HAPLN2: variants seen among roughly 807,000 people sequenced by gnomAD.
HAPLN2 encodes brain link protein-1.
HAPLN2 carries 27 observed loss-of-function variants against 29.3 expected under a neutral mutation model. The observed-to-expected ratio is 0.92, with a 90% CI of 0.68 to 1.27. The LOEUF (loss-of-function observed/expected upper bound fraction) is 1.27. HAPLN2 is among the 50% of genes most tolerant of loss of function. The probability of loss-of-function intolerance (pLI) is 0.00; values close to 1 mark genes in which losing one functional copy is unlikely to be tolerated. For synonymous variants in HAPLN2, 208 were observed against 211.7 expected, an observed-to-expected ratio of 0.98 and a Z score of 0.15; for missense variants, 454 against 484.3, an observed-to-expected ratio of 0.94 and a Z score of 0.59.
chr1:156,608,452 G>A, the HAPLN2 span, among the ~76,000 whole-genome samples: 7 of 152,118 alleles, frequency 4.6e-5, no homozygotes, highest in African/African-American at 9.7e-5. Flanking sequence ...GTAAATGCTG[G>A]TCATGGTGTA....
At chr1:156,612,340 T>C in the HAPLN2 span, among the ~76,000 whole-genome samples, 421 of 152,260 alleles carry the variant, frequency 2.8e-3, 5 homozygotes, top group African/African-American at 9.7e-3. Flanking sequence ...ATTTTCTGAA[T>C]GTCTGGTATA....
At chr1:156,621,599 T>C (rs1678227240) in intron 2 of HAPLN2, among the ~76,000 whole-genome samples, 1 of 150,546 alleles carries the variant, frequency 6.6e-6, no homozygotes, top group Non-Finnish European at 1.5e-5. Flanking sequence ...TAGCCCGGAG[T>C]GGTGGTGGGT....
upstream of HAPLN2, among the ~76,000 whole-genome samples, chr1:156,616,171 G>A (rs1247153022): frequency 2.0e-5 from 3 of 152,110 alleles, no homozygotes; most frequent in African/African-American, 7.2e-5. Context: ...TCGGGACTCC[G>A]TGCTTGTCTG....
At position 156,624,724 on chromosome 1, in the gene HAPLN2, G is replaced by A; in HGVS notation, c.680G>A (p.Gly227Glu). The A allele has an allele frequency of 1.3e-6, 2 of 1,571,608 alleles. No homozygotes were observed. The highest frequency in any genetic ancestry group is 1.7e-6 in the Non-Finnish European group (2 of 1,165,408). ...GGCCGGCCCGGGATCCGCAGCTACG[G>A]ACCCCGCGACCGGATGCGCGACCGC... Reference protein sequence around the residue: ...GRGRPGIRSYGPRDRMRDRYD... With the variant: ...GRGRPGIRSYEPRDRMRDRYD... The change falls in exon 6 of 7, where the codon GGA (glycine) becomes GAA (glutamate). Residue 227 changes from glycine to glutamate, a missense_variant. Transcript: ENST00000255039.
chr1:156,624,729 C>T lies in HAPLN2; in HGVS notation c.685C>T (p.Arg229Cys), dbSNP rs771207362. ...GCCCGGGATCCGCAGCTACGGACCC[C>T]GCGACCGGATGCGCGACCGCTACGA... ...GRPGIRSYGP[R>C]DRMRDRYDAF... The change falls in exon 6 of 7, where the codon CGC becomes TGC. Residue 229 changes from arginine (R) to cysteine (C), a missense_variant. Coordinates refer to ENST00000255039, the MANE Select transcript of HAPLN2 (RefSeq NM_021817.3). The T allele has an allele frequency of 1.9e-6, 3 of 1,567,204 alleles. No homozygotes were observed. In the Admixed American group the frequency reaches 5.6e-5, roughly 29 times the overall value.
chr1:156,624,287 G>A, intron 4 of HAPLN2, 64 bp from the exon 5 acceptor site: 1 of 1,515,530 alleles, frequency 6.6e-7, no homozygotes, highest in Non-Finnish European at 8.9e-7. Flanking sequence ...CCCAGGCCGC[G>A]CCGCCCTTCC....
the HAPLN2 span, among the ~76,000 whole-genome samples, chr1:156,607,326 A>G: frequency 1.3e-5 from 2 of 152,146 alleles, no homozygotes; most frequent in East Asian, 3.8e-4. Flanking sequence ...CTAAAAATAC[A>G]AAAATTAGCC....
chr1:156,624,879 G>C, intron 6 of HAPLN2, 96 bp downstream of exon 6: 1 of 1,374,444 alleles, frequency 7.3e-7, no homozygotes, highest in Non-Finnish European at 9.6e-7. Flanking sequence ...CAGGGTCTCC[G>C]GGTCCCTCCA....
chr1:156,601,684 T>G, the HAPLN2 span, among the ~76,000 whole-genome samples: 6 of 152,088 alleles, frequency 3.9e-5, no homozygotes, highest in Non-Finnish European at 7.4e-5. Context: ...CCAAGGGACT[T>G]CAGTACTAAC....
chr1:156,613,637 C>T, the HAPLN2 span, among the ~76,000 whole-genome samples: 5 of 151,932 alleles, frequency 3.3e-5, no homozygotes, highest in East Asian at 9.7e-4. Flanking sequence ...TGCTCTAGAC[C>T]AGGTGTGGTG....
At chr1:156,604,756 T>C in the HAPLN2 span, among the ~76,000 whole-genome samples, 1 of 152,322 alleles carries the variant, frequency 6.6e-6, no homozygotes, top group South Asian at 2.1e-4. Context: ...GTGCAAGCTT[T>C]ATACATTGAA....
At chr1:156,603,418 A>AC in the HAPLN2 span, among the ~76,000 whole-genome samples, 3 of 130,392 alleles carry the variant, frequency 2.3e-5, no homozygotes, top group East Asian at 2.3e-4. Flanking sequence ...ATTTCCACCC[A>AC]CCCCCACCTC....
At position 156,624,495 on chromosome 1, in the gene HAPLN2, A is replaced by G. The variant is rs772045773; in HGVS notation, c.556+28A>G. ...GAGCGGCCGAACCCAGCACTTCCCA[A>G]GCCCCGCGGAGCTGTCTCAGGGGCC... On this transcript the variant is annotated intron_variant, in intron 5 of 6. Coordinates refer to ENST00000255039, the MANE Select transcript of HAPLN2 (RefSeq NM_021817.3). 6.2e-6 allele frequency: 10 copies of G among 1,608,468 alleles called. No individual in the cohort carries two copies. The South Asian group carries it at 9.9e-5, about 16-fold the overall frequency.
intron 6 of HAPLN2, 97 bp downstream of exon 6, chr1:156,624,880 G>A: frequency 7.3e-7 from 1 of 1,374,720 alleles, no homozygotes; most frequent in Non-Finnish European, 9.6e-7. Context: ...AGGGTCTCCG[G>A]GTCCCTCCAA....
chr1:156,624,131 A>T lies in HAPLN2; in HGVS notation c.410A>T (p.Glu137Val). 3 of 1,613,574 alleles carry T rather than the reference A, an allele frequency of 1.9e-6. No homozygotes were observed. The highest frequency in any genetic ancestry group is 2.5e-6 in the Non-Finnish European group (3 of 1,179,874). The change falls in exon 4 of 7, where the codon GAG (glutamate) becomes GTG (valine). Residue 137 changes from glutamate (E) to valine (V), a missense_variant. Transcript: ENST00000255039. The part of the protein sequence containing the change: ...RCELINGIED[E>V]SVALTLSLEG... Reference sequence around the variant, plus strand: ...GAGCTCATCAACGGCATCGAGGACGAGAGCGTGGCGCTGACCTTGAGCTTG... The same window carrying T: ...GAGCTCATCAACGGCATCGAGGACGTGAGCGTGGCGCTGACCTTGAGCTTG...
chr1:156,601,519 G>A, the HAPLN2 span: 3 of 1,506,554 alleles, frequency 2.0e-6, no homozygotes, highest in African/African-American at 4.2e-5. Context: ...CCATAGAGAC[G>A]TCCGCGGGAA....
At chr1:156,617,237 G>T (rs1447214881), upstream of HAPLN2, among the ~76,000 whole-genome samples, 1 of 152,014 alleles carries the variant, frequency 6.6e-6, no homozygotes, top group Non-Finnish European at 1.5e-5. Flanking sequence ...AAACTTCTAG[G>T]CTTGACTCAA....
the HAPLN2 span, among the ~76,000 whole-genome samples, chr1:156,603,647 C>T: frequency 6.6e-6 from 1 of 152,260 alleles, no homozygotes; most frequent in East Asian, 1.9e-4. Context: ...TTGCCAGCCA[C>T]TCCCAAAACT....
the HAPLN2 span, among the ~76,000 whole-genome samples, chr1:156,613,329 C>T: frequency 2.6e-5 from 4 of 151,852 alleles, no homozygotes; most frequent in East Asian, 1.9e-4. Context: ...CCAGTCTGGG[C>T]GACAGAGTGG....
Sources: gnomAD v4.1 joint callset for allele counts (sites outside exome capture counted in the v4.1 genomes callset) on GRCh38, gnomAD v4.1.1 for gene constraint, MANE v1.5 for transcripts, NCBI Gene and HGNC (gene_info 2026-07-23, HGNC 2026-07-21) for gene names.